Variants in ABCG5 observed in about 807,000 individuals in gnomAD.
The protein encoded by ABCG5 is ATP binding cassette subfamily G member 5.
ABCG5 carries 64 observed loss-of-function variants against 64.5 expected under a neutral mutation model. The ratio of observed to expected loss-of-function variants is 0.99; its 90% CI spans 0.81 to 1.22. ABCG5 has a LOEUF of 1.22. Ranked by LOEUF, ABCG5 falls within the 50% of genes most tolerant of loss-of-function variation. The pLI, the probability that ABCG5 is intolerant of heterozygous loss-of-function variation, is 0.00. For synonymous variants in ABCG5, 385 were observed against 326.3 expected, an observed-to-expected ratio of 1.18 and a Z score of -1.94; for missense variants, 908 against 829.5, an observed-to-expected ratio of 1.09 and a Z score of -1.16.
intron 2 of ABCG5, among the ~76,000 whole-genome samples, chr2:43,835,643 A>T (rs1668214690): frequency 6.6e-6 from 1 of 152,202 alleles, no homozygotes; most frequent in Non-Finnish European, 1.5e-5. Context: ...TTATGATATT[A>T]CGAGGTGGGG....
rs1572790209 is a variant in ABCG5 at position 43,831,956 on chromosome 2, G to A, written c.393C>T (p.Tyr131=). Residue 131 remains tyrosine, a synonymous_variant, in exon 3 of 13, where the codon TAC becomes TAT. Coordinates refer to ENST00000405322, the MANE Select transcript of ABCG5 (RefSeq NM_022436.3). ...RREQFQDCFS[Y]VLQSDTLLSS... ...TGGGGGACGCGCCCACCTGCAGGAC[G>A]TAGGAGAAGCAGTCCTGGAACTGCT... 2 of 1,550,158 alleles carry A rather than the reference G, an allele frequency of 1.3e-6. No individual in the cohort carries two copies. The highest frequency in any genetic ancestry group is 2.0e-5 in the Admixed American group (1 of 51,024).
chr2:43,832,256 A>G, intron 2 of ABCG5, 173 bp from the exon 3 acceptor site: 1 of 844,166 alleles, frequency 1.2e-6, no homozygotes, highest in Non-Finnish European at 1.9e-6. Context: ...TGGAACGCGC[A>G]CTGTGCGTGC....
At chr2:43,806,974 G>T in the ABCG5 span, among the ~76,000 whole-genome samples, 2 of 151,946 alleles carry the variant, frequency 1.3e-5, no homozygotes, top group Admixed American at 1.3e-4. Flanking sequence ...GGTTTTAGAC[G>T]AATTGATTCC....
intron 2 of ABCG5, among the ~76,000 whole-genome samples, chr2:43,834,647 A>G (rs971999493): frequency 6.6e-6 from 1 of 152,266 alleles, no homozygotes; most frequent in African/African-American, 2.4e-5. Flanking sequence ...TCATGCCTGT[A>G]ATCCCAGCAC....
intron 4 of ABCG5, among the ~76,000 whole-genome samples, chr2:43,829,922 G>A (rs1667861801): frequency 6.6e-6 from 1 of 152,136 alleles, no homozygotes; most frequent in African/African-American, 2.4e-5. Context: ...AGGTACAAAG[G>A]AATAATGAGA....
intron 10 of ABCG5, among the ~76,000 whole-genome samples, chr2:43,822,133 A>G (rs1300044656): frequency 6.6e-6 from 1 of 152,160 alleles, no homozygotes. Flanking sequence ...CCTACCCTGT[A>G]ACACCAAGTT....
chr2:43,824,020 C>G lies in ABCG5; in HGVS notation c.1217G>C (p.Arg406Pro), dbSNP rs375364242. Residue 406 changes from arginine (R) to proline (P), a missense_variant, in exon 9 of 13, where the codon CGG (arginine) becomes CCG (proline). By Grantham distance (103) the Arg-to-Pro change is moderately radical. Transcript: ENST00000405322. The stretch of plus-strand genomic sequence containing the variant: ...ACCCTTTAGCACATTGCTTCGGACC[C>G]GCAGAACGAAGAAAAGGAGGAACAA... ...MGLFLLFFVLRVRSNVLKGAI... is the reference protein window; with the variant it reads ...MGLFLLFFVLPVRSNVLKGAI... 1.2e-6 allele frequency: 2 copies of G among 1,614,152 alleles called. No homozygotes were observed.
At chr2:43,823,038 G>A in intron 9 of ABCG5, 103 bp from the exon 10 acceptor site, 9 of 1,493,044 alleles carry the variant, frequency 6.0e-6, no homozygotes, top group Non-Finnish European at 7.3e-6. Context: ...TGGATGGTGA[G>A]GACCAGCTAG....
At chr2:43,807,242 C>A in the ABCG5 span, among the ~76,000 whole-genome samples, 1 of 152,084 alleles carries the variant, frequency 6.6e-6, no homozygotes, top group South Asian at 2.1e-4. Flanking sequence ...TTTCATCTTT[C>A]CTGCAGACTT....
In ABCG5 at chr2:43,826,402, G is replaced by A. The variant is rs772433736; in HGVS notation, c.754C>T (p.Pro252Ser). 13 of 1,614,082 alleles carry A rather than the reference G, an allele frequency of 8.1e-6. No individual in the cohort carries two copies. The South Asian group carries it at 1.3e-4, about 16-fold the overall frequency. Residue 252 changes from proline (P) to serine (S), a missense_variant, in exon 6 of 13, where the codon CCC becomes TCC. Coordinates refer to ENST00000405322, the MANE Select transcript of ABCG5 (RefSeq NM_022436.3). ...CTTACCTGAAAAAGCTCAGAACGGG[G>A]CTGGTGAATGGTGAGAACCACAATT... ...NRIVVLTIHQPRSELFQLFDK... is the reference protein window; with the variant it reads ...NRIVVLTIHQSRSELFQLFDK...
At chr2:43,816,743 A>G (rs1035960857) in intron 11 of ABCG5, among the ~76,000 whole-genome samples, 5 of 152,198 alleles carry the variant, frequency 3.3e-5, no homozygotes, top group African/African-American at 7.2e-5. Context: ...GAAAAAAAGT[A>G]TGCATATTTT....
At chr2:43,821,272 C>G (rs1038466849) in intron 10 of ABCG5, among the ~76,000 whole-genome samples, 2 of 152,158 alleles carry the variant, frequency 1.3e-5, no homozygotes, top group African/African-American at 4.8e-5. Context: ...TTTATAGCAT[C>G]TGGACCAGAG....
chr2:43,825,929 T>C, intron 6 of ABCG5, among the ~76,000 whole-genome samples: 1 of 152,108 alleles, frequency 6.6e-6, no homozygotes, highest in South Asian at 2.1e-4. Context: ...CATCCTTTGC[T>C]CTTCCCCTCT....
rs558993616 is a variant in ABCG5, at chr2:43,832,068, G to C, written c.281C>G (p.Thr94Arg). 38 of 1,582,316 alleles carry C rather than the reference G, an allele frequency of 2.4e-5. No homozygotes were observed. In the South Asian group the frequency reaches 4.1e-4, roughly 17 times the overall value. Residue 94 changes from threonine to arginine, a missense_variant, in exon 3 of 13, where the codon ACG (threonine) becomes AGG (arginine). By Grantham distance (71) the Thr-to-Arg change is moderately conservative. Transcript: ENST00000405322. Reference sequence around the variant, plus strand: ...CCTCCCGGACATGGCGTCCAGCAGCGTGGTTTTCCCGGAGCCTGCGGGGCG... The same window carrying C: ...CCTCCCGGACATGGCGTCCAGCAGCCTGGTTTTCCCGGAGCCTGCGGGGCG... ...ILGSSGSGKT[T>R]LLDAMSGRLG...
chr2:43,814,561 T>C lies in ABCG5; in HGVS notation c.1678A>G (p.Lys560Glu). The C allele has an allele frequency of 6.2e-7, 1 of 1,605,154 alleles. No homozygotes were observed. Among genetic ancestry groups the C allele is most frequent in the Non-Finnish European group, 8.5e-7 (1 of 1,172,782 alleles). ...TGGAATGTAAAATAACTGATGATTTTAAAAGGAATGGGCATTTCTTGTATG... is the reference window on the plus strand; with the variant it reads ...TGGAATGTAAAATAACTGATGATTTCAAAAGGAATGGGCATTTCTTGTATG... ...RNIQEMPIPF[K>E]IISYFTFQKY... The change falls in exon 12 of 13, where the codon AAA becomes GAA. Residue 560 changes from lysine to glutamate, a missense_variant. Transcript: ENST00000405322.
upstream of ABCG5, chr2:43,839,177 T>C (rs1313309550): frequency 2.6e-5 from 40 of 1,522,980 alleles, no homozygotes; most frequent in Non-Finnish European, 3.3e-5. Flanking sequence ...ATCAAACCTT[T>C]CTCTCTTCCC....
chr2:43,821,045 C>T (rs899451532), intron 10 of ABCG5, among the ~76,000 whole-genome samples: 1 of 152,152 alleles, frequency 6.6e-6, no homozygotes, highest in African/African-American at 2.4e-5. Context: ...CTGGTGATAG[C>T]GTATCTTCAA....
chr2:43,823,998 C>A lies in ABCG5; in HGVS notation c.1239G>T (p.Lys413Asn), dbSNP rs773996683. The change falls in exon 9 of 13, where the codon AAG (lysine) becomes AAT (asparagine). Residue 413 changes from lysine (K) to asparagine (N), a missense_variant. Coordinates refer to ENST00000405322, the MANE Select transcript of ABCG5 (RefSeq NM_022436.3). ...GACCTACGCGGTCCTGGATAGCACC[C>A]TTTAGCACATTGCTTCGGACCCGCA... ...FVLRVRSNVL[K>N]GAIQDRVGLL... 33 of 1,614,080 alleles carry A rather than the reference C, an allele frequency of 2.0e-5. No homozygotes were observed. In the South Asian group the frequency reaches 3.5e-4, roughly 17 times the overall value.
chr2:43,831,563 A>C (rs1379570155), intron 4 of ABCG5, among the ~76,000 whole-genome samples: 2 of 152,216 alleles, frequency 1.3e-5, no homozygotes, highest in South Asian at 2.1e-4. Context: ...AGCACGTTTC[A>C]GTCTGGACTA....
Sources: gnomAD v4.1 joint callset for allele counts (sites outside exome capture counted in the v4.1 genomes callset) on GRCh38, gnomAD v4.1.1 for gene constraint, MANE v1.5 for transcripts, NCBI Gene and HGNC (gene_info 2026-07-23, HGNC 2026-07-21) for gene names.